Variants in NAF1 observed in about 807,000 individuals in gnomAD.
NAF1 encodes the protein nuclear assembly factor 1 ribonucleoprotein.
In NAF1, 11 loss-of-function variants were observed where a neutral mutation model predicts 40.6. The observed-to-expected ratio is 0.27, with a 90% CI of 0.17 to 0.45. The LOEUF (loss-of-function observed/expected upper bound fraction) is 0.45, where lower values mean the gene tolerates loss of function less well. Among genes scored for constraint, NAF1 ranks in the 20% least tolerant of loss-of-function variants. The probability of loss-of-function intolerance (pLI) is 1.00; values close to 1 mark genes in which losing one functional copy is unlikely to be tolerated. For synonymous variants in NAF1, 260 were observed against 228.5 expected, an observed-to-expected ratio of 1.14 and a Z score of -1.24; for missense variants, 607 against 611.1, an observed-to-expected ratio of 0.99 and a Z score of 0.07.
intron 2 of NAF1, among the ~76,000 whole-genome samples, chr4:163,153,757 T>TG (rs1379911118): frequency 2.0e-5 from 3 of 152,090 alleles, no homozygotes; most frequent in Non-Finnish European, 4.4e-5. Flanking sequence ...AGGATGTGGG[T>TG]GGGGCCAGAT....
At chr4:163,144,153 C>G (rs1420060065) in intron 4 of NAF1, 1 of 288,152 alleles carries the variant, frequency 3.5e-6, no homozygotes, top group African/African-American at 2.3e-5. Flanking sequence ...TTCACTAGTT[C>G]ATCAAGGGAA....
At chr4:163,145,985 A>G (rs1186926973) in intron 3 of NAF1, 121 bp from the exon 4 acceptor site, 2 of 553,070 alleles carry the variant, frequency 3.6e-6, no homozygotes, top group Non-Finnish European at 6.3e-6. Context: ...TTATTACCTC[A>G]TTAACCATTT....
chr4:163,163,154 A>T (rs1333329290), intron 2 of NAF1, among the ~76,000 whole-genome samples: 1 of 152,218 alleles, frequency 6.6e-6, no homozygotes, highest in Non-Finnish European at 1.5e-5. Flanking sequence ...GAAAATAGTT[A>T]TGCTGGGAGC....
downstream of NAF1, among the ~76,000 whole-genome samples, chr4:163,108,154 GAA>G (rs1730079565): frequency 6.6e-6 from 1 of 152,050 alleles, no homozygotes. Context: ...TGGGCTTTCT[GAA>G]AAGTCATAGT....
At chr4:163,128,308 G>C (rs934663372), downstream of NAF1, among the ~76,000 whole-genome samples, 1 of 152,108 alleles carries the variant, frequency 6.6e-6, no homozygotes. Flanking sequence ...ATTTTGCACA[G>C]ATAATGGAAG....
chr4:163,115,150 TTC>T (rs957385743), intron 2 of NAF1, among the ~76,000 whole-genome samples: 16 of 152,110 alleles, frequency 1.1e-4, no homozygotes, highest in African/African-American at 3.9e-4. Context: ...TCTACATTTT[TTC>T]TGTTATTCTC....
intron 7 of NAF1, among the ~76,000 whole-genome samples, chr4:163,130,077 C>T (rs866184395): frequency 1.3e-5 from 2 of 152,136 alleles, no homozygotes; most frequent in East Asian, 1.9e-4. Flanking sequence ...CTGTTCCTTT[C>T]GCTGCCAGAG....
chr4:163,129,218 G>A lies in NAF1; in HGVS notation c.1164C>T (p.Gly388=). The A allele has an allele frequency of 6.2e-7, 1 of 1,613,864 alleles. No homozygotes were observed. The highest frequency in any genetic ancestry group is 8.5e-7 in the Non-Finnish European group (1 of 1,179,756). Residue 388 remains glycine, a synonymous_variant, in exon 8 of 8, where the codon GGC becomes GGT. Coordinates refer to ENST00000274054, the MANE Select transcript of NAF1 (RefSeq NM_138386.3). ...SRARYPRSCH[G]RPPPQHFYNS... ...TATAGAAATGCTGAGGTGGAGGCCTGCCATGGCAAGATCGAGGGTATCTGG... is the reference window on the plus strand; with the variant it reads ...TATAGAAATGCTGAGGTGGAGGCCTACCATGGCAAGATCGAGGGTATCTGG...
At chr4:163,143,363 G>C (rs958722721) in intron 4 of NAF1, among the ~76,000 whole-genome samples, 8 of 152,168 alleles carry the variant, frequency 5.3e-5, no homozygotes, top group African/African-American at 1.9e-4. Context: ...AGAAGATATA[G>C]AGTGCATGCA....
downstream of NAF1, chr4:163,126,692 T>G (rs60735607): frequency 0.25 from 51,024 of 202,942 alleles, 6,959 homozygotes; most frequent in African/African-American, 0.36. Context: ...AATTTCAAAG[T>G]TTTACAGAGA....
At chr4:163,118,038 A>G (rs2110826455) in intron 2 of NAF1, among the ~76,000 whole-genome samples, 2 of 152,356 alleles carry the variant, frequency 1.3e-5, no homozygotes, top group African/African-American at 4.8e-5. Context: ...TTTATCTTTC[A>G]GAGCCATTTT....
chr4:163,129,360 G>C lies in NAF1; in HGVS notation c.1034-12C>G, dbSNP rs777558521. 32 of 1,582,316 alleles carry C rather than the reference G, an allele frequency of 2.0e-5. No individual in the cohort carries two copies. The South Asian group carries it at 3.6e-4, about 18-fold the overall frequency. ...AGTAAAATCTTCACCTTTGAGTGAGGGGAGGGAAAACATAAAAAGGAAAAT... is the reference window on the plus strand; with the variant it reads ...AGTAAAATCTTCACCTTTGAGTGAGCGGAGGGAAAACATAAAAAGGAAAAT... On this transcript the variant is annotated splice_polypyrimidine_tract_variant and intron_variant, in intron 7 of 7. Coordinates refer to ENST00000274054, the MANE Select transcript of NAF1 (RefSeq NM_138386.3).
intron 4 of NAF1, among the ~76,000 whole-genome samples, chr4:163,142,648 G>A (rs189265283): frequency 1.3e-5 from 2 of 152,292 alleles, no homozygotes; most frequent in Admixed American, 6.5e-5. Context: ...TAGATAACAG[G>A]AAGCCATACA....
At chr4:163,158,597 A>T (rs1278783654) in intron 2 of NAF1, among the ~76,000 whole-genome samples, 1 of 151,958 alleles carries the variant, frequency 6.6e-6, no homozygotes, top group Middle Eastern at 3.2e-3. Context: ...TCTTTTTTAA[A>T]TGAATACATT....
At chr4:163,161,228 T>C (rs970979055) in intron 2 of NAF1, among the ~76,000 whole-genome samples, 1 of 152,068 alleles carries the variant, frequency 6.6e-6, no homozygotes, top group South Asian at 2.1e-4. Flanking sequence ...ATCCCAGCAC[T>C]TTGGGAGGCC....
downstream of NAF1, among the ~76,000 whole-genome samples, chr4:163,128,506 A>C (rs1730735074): frequency 6.6e-6 from 1 of 151,986 alleles, no homozygotes. Flanking sequence ...AAATAGTTTA[A>C]AGACTCTCAA....
intron 4 of NAF1, among the ~76,000 whole-genome samples, chr4:163,145,514 C>A (rs1434135335): frequency 2.0e-5 from 3 of 152,204 alleles, no homozygotes; most frequent in African/African-American, 7.2e-5. Flanking sequence ...CGTAGACTCA[C>A]TGCCTAGCAA....
chr4:163,143,962 T>TG lies in NAF1; in HGVS notation c.717+1819_717+1820insC, dbSNP rs946305986. Reference sequence around the variant, plus strand: ...ATTTCAATCACTGTGTGTATTACTGTATCATAAGTTACCTTGAAATATGTC... The same window carrying TG: ...ATTTCAATCACTGTGTGTATTACTGTGATCATAAGTTACCTTGAAATATGTC... On this transcript the variant is annotated intron_variant, in intron 4 of 7. Coordinates refer to ENST00000274054, the MANE Select transcript of NAF1 (RefSeq NM_138386.3). The TG allele has an allele frequency of 1.8e-5, 16 of 893,150 alleles. No homozygotes were observed. In the African/African-American group the frequency reaches 2.3e-4, roughly 13 times the overall value. 55.3% of individuals were successfully genotyped at this position (893,150 alleles called of 1,614,324 possible).
chr4:163,134,332 T>C (rs1730978140), intron 6 of NAF1, among the ~76,000 whole-genome samples: 2 of 152,230 alleles, frequency 1.3e-5, no homozygotes, highest in South Asian at 4.1e-4. Flanking sequence ...ATTTTCAGTA[T>C]GGCTTCACTG....
Sources: gnomAD v4.1 joint callset for allele counts (sites outside exome capture counted in the v4.1 genomes callset) on GRCh38, gnomAD v4.1.1 for gene constraint, MANE v1.5 for transcripts, NCBI Gene and HGNC (gene_info 2026-07-23, HGNC 2026-07-21) for gene names.